The following NELFA variants were observed in gnomAD, a reference collection of about 807,000 sequenced individuals.
NELFA encodes negative elongation factor complex member A.
In NELFA, 35 loss-of-function variants were observed where a neutral mutation model predicts 51.8. The ratio of observed to expected loss-of-function variants is 0.68; its 90% CI spans 0.52 to 0.90. NELFA has a LOEUF of 0.90. Among genes scored for constraint, NELFA ranks in the 40% least tolerant of loss-of-function variants. NELFA has a pLI of 0.00. For synonymous variants in NELFA, 417 were observed against 338.4 expected, an observed-to-expected ratio of 1.23 and a Z score of -2.55; for missense variants, 658 against 746.4, an observed-to-expected ratio of 0.88 and a Z score of 1.38.
chr4:2,007,201 T>C (rs1432794841), intron 1 of NELFA: 2 of 367,988 alleles, frequency 5.4e-6, no homozygotes, highest in Admixed American at 3.1e-5. Flanking sequence ...CGCCAGACCC[T>C]GTCTCAAACA....
chr4:1,987,240 C>A (rs145165238), intron 4 of NELFA, among the ~76,000 whole-genome samples: 1 of 152,346 alleles, frequency 6.6e-6, no homozygotes, highest in Non-Finnish European at 1.5e-5. Flanking sequence ...CAGCCCCACC[C>A]ATCTGCAAGT....
chr4:1,983,522 G>A lies in NELFA; in HGVS notation c.1403-19C>T. ...GGGTTCTCTGCAGAGAGCAGGAGCT[G>A]CTGGGTGGGTGTCTGGGGGCACCCG... On this transcript the variant is annotated intron_variant, in intron 10 of 10. Transcript: ENST00000382882. 1.3e-5 allele frequency: 21 copies of A among 1,613,002 alleles called. No individual in the cohort carries two copies. The highest frequency in any genetic ancestry group is 1.8e-5 in the Non-Finnish European group (21 of 1,179,338).
rs1450416423 is a variant in NELFA at position 2,007,192 on chromosome 4, G to A, written c.210+1558C>T. ...ACTGCACTCCAGCCTGGTTGACAGC[G>A]CCAGACCCTGTCTCAAACAAAACAC... On this transcript the variant is annotated intron_variant, in intron 1 of 10. Transcript: ENST00000382882. The A allele has an allele frequency of 1.3e-5, 5 of 380,658 alleles. No homozygotes were observed. In the East Asian group the frequency reaches 4.4e-4, roughly 33 times the overall value. The allele number at this position is 380,658 out of a possible 1,614,324, so 23.6% of individuals were successfully genotyped here.
At chr4:1,986,507 G>C (rs1160527450) in intron 4 of NELFA, 105 bp from the exon 5 acceptor site, 2 of 1,553,094 alleles carry the variant, frequency 1.3e-6, no homozygotes, top group Non-Finnish European at 1.7e-6. Context: ...CCGCAGAGGG[G>C]AAGGGCCAAA....
intron 1 of NELFA, 42 bp downstream of exon 1, chr4:2,008,708 G>A: frequency 3.8e-6 from 6 of 1,569,522 alleles, no homozygotes; most frequent in South Asian, 1.2e-5. Flanking sequence ...GAGGTGGGAA[G>A]GTTGGGAATC....
Position 1,983,968 on chromosome 4 carries a change from A to T in NELFA, c.1182T>A (p.Pro394=). 6.2e-7 allele frequency: 1 copy of T among 1,610,138 alleles called. No homozygotes were observed. The change falls in exon 9 of 11, where the codon CCT becomes CCA. Residue 394 remains proline (P), a synonymous_variant. Coordinates refer to ENST00000382882, the MANE Select transcript of NELFA (RefSeq NM_005663.5). ...ATPTPAAPTS[P]LTPTTPPAVA... is the part of the protein sequence containing the mutation. ...CAGCCGGAGGTGTGGTGGGTGTCAG[A>T]GGCGAGGTGGGCGCCGCAGGCGTGG...
At position 1,983,697 on chromosome 4, in the gene NELFA, T is replaced by C; in HGVS notation, c.1303-2A>G. The C allele has an allele frequency of 6.2e-7, 1 of 1,613,494 alleles. No individual in the cohort carries two copies. Among genetic ancestry groups the C allele is most frequent in the Non-Finnish European group, 8.5e-7 (1 of 1,179,606 alleles). ...CTGGGCAGCGAACATCTGCTCTCTCTACAGCGGGGAGAGGGGTGTGGGTGC... is the reference window on the plus strand; with the variant it reads ...CTGGGCAGCGAACATCTGCTCTCTCCACAGCGGGGAGAGGGGTGTGGGTGC... On this transcript the variant is annotated splice_acceptor_variant, in intron 9 of 10. Coordinates refer to ENST00000382882, the MANE Select transcript of NELFA (RefSeq NM_005663.5). LOFTEE classifies it high-confidence loss of function.
At chr4:1,994,750 G>A (rs1223702658) in intron 1 of NELFA, among the ~76,000 whole-genome samples, 3 of 151,802 alleles carry the variant, frequency 2.0e-5, no homozygotes, top group South Asian at 2.1e-4. Context: ...AGCTACTTGG[G>A]AGGCTGAGGC....
rs183964570 is a variant in NELFA, at chr4:1,996,615, A to C, written c.211-4900T>G. 7.8e-4 allele frequency among the ~76,000 whole-genome samples: 119 copies of C among 152,348 alleles called. 1 individual carries two copies. Among genetic ancestry groups the C allele is most frequent in the African/African-American group, 2.6e-3 (110 of 41,586 alleles). ...GGGGAAAAAATAAGAAATAATCACTATACATGCTTCTGACATTTAAAAAGA... is the reference window on the plus strand; with the variant it reads ...GGGGAAAAAATAAGAAATAATCACTCTACATGCTTCTGACATTTAAAAAGA... On this transcript the variant is annotated intron_variant, in intron 1 of 10. Transcript: ENST00000382882.
chr4:2,005,794 G>A (rs999869358), intron 1 of NELFA, among the ~76,000 whole-genome samples: 3 of 151,966 alleles, frequency 2.0e-5, no homozygotes, highest in African/African-American at 4.8e-5. Flanking sequence ...CATTTACAAC[G>A]GCATGGAAAA....
At chr4:1,995,417 A>G (rs966426827) in intron 1 of NELFA, among the ~76,000 whole-genome samples, 1 of 152,254 alleles carries the variant, frequency 6.6e-6, no homozygotes. Context: ...TTTCAGAATG[A>G]TATCCCTAAG....
At chr4:1,992,521 C>T (rs1012723361) in intron 1 of NELFA, 3 of 413,824 alleles carry the variant, frequency 7.2e-6, no homozygotes, top group Admixed American at 5.4e-5. Flanking sequence ...GCCCACTGGG[C>T]TGCTCACAGT....
intron 4 of NELFA, 136 bp downstream of exon 4, chr4:1,987,782 T>C: frequency 4.0e-6 from 3 of 751,372 alleles, no homozygotes; most frequent in Non-Finnish European, 6.2e-6. Context: ...GTGCCTTCGC[T>C]TTCCCACGGG....
chr4:2,008,621 G>A (rs1340138316), intron 1 of NELFA, 129 bp downstream of exon 1: 4 of 1,104,212 alleles, frequency 3.6e-6, no homozygotes, highest in Admixed American at 4.8e-5. Context: ...GGCGGGCCGG[G>A]GGGGTTAACA....
rs762148410 is a variant in NELFA, at chr4:1,983,314, T to C, written c.*5A>G. ...AAGTGACGGCCAGCTGTGAGGCAGG[T>C]GGTTCTAGGACACATTGGTCATGGG... On this transcript the variant is annotated 3_prime_UTR_variant, in exon 11 of 11. Transcript: ENST00000382882. 2 of 1,606,638 alleles carry C rather than the reference T, an allele frequency of 1.2e-6. No individual in the cohort carries two copies. The highest frequency in any genetic ancestry group is 1.7e-6 in the Non-Finnish European group (2 of 1,174,448).
intron 1 of NELFA, among the ~76,000 whole-genome samples, chr4:2,001,724 T>G (rs1175627493): frequency 6.6e-6 from 1 of 151,554 alleles, no homozygotes; most frequent in African/African-American, 2.4e-5. Flanking sequence ...CCAACGTGGT[T>G]AAACCCCATC....
intron 1 of NELFA, among the ~76,000 whole-genome samples, chr4:1,998,301 G>A (rs558000185): frequency 3.3e-5 from 5 of 152,074 alleles, no homozygotes; most frequent in African/African-American, 9.6e-5. Context: ...TTGGATGGAC[G>A]AGCTGACAGA....
chr4:1,986,567 C>A, intron 4 of NELFA, 165 bp from the exon 5 acceptor site: 1 of 1,112,200 alleles, frequency 9.0e-7, no homozygotes, highest in Non-Finnish European at 1.3e-6. Context: ...CCTCAAGGAG[C>A]AGGGGAACGC....
intron 1 of NELFA, among the ~76,000 whole-genome samples, chr4:1,999,486 G>T (rs1560879941): frequency 1.3e-5 from 2 of 151,996 alleles, no homozygotes; most frequent in Non-Finnish European, 2.9e-5. Context: ...AAAGACAGGG[G>T]TTGCAATCCT....
Sources: gnomAD v4.1 joint callset for allele counts (sites outside exome capture counted in the v4.1 genomes callset) on GRCh38, gnomAD v4.1.1 for gene constraint, MANE v1.5 for transcripts, NCBI Gene and HGNC (gene_info 2026-07-23, HGNC 2026-07-21) for gene names.